NKAIN2: variants seen among roughly 807,000 people sequenced by gnomAD.
NKAIN2 encodes sodium/potassium transporting ATPase interacting 2.
Under a neutral mutation model 32.6 loss-of-function variants are expected in NKAIN2, and 14 were observed. The ratio of observed to expected loss-of-function variants is 0.43; its 90% CI spans 0.28 to 0.67. The LOEUF is 0.67. NKAIN2 is among the 30% of genes least tolerant of loss of function. The pLI is 0.17. For synonymous variants in NKAIN2, 80 were observed against 87.2 expected, an observed-to-expected ratio of 0.92 and a Z score of 0.46; for missense variants, 198 against 258.3, an observed-to-expected ratio of 0.77 and a Z score of 1.60.
At chr6:124,184,396 G>A (rs899343292) in intron 1 of NKAIN2, among the ~76,000 whole-genome samples, 2 of 151,992 alleles carry the variant, frequency 1.3e-5, no homozygotes. Context: ...CCCTCCTTAT[G>A]TTTTAGCCTG....
At chr6:124,726,300 A>G (rs1489908345) in intron 4 of NKAIN2, among the ~76,000 whole-genome samples, 3 of 152,168 alleles carry the variant, frequency 2.0e-5, no homozygotes, top group Admixed American at 6.5e-5. Flanking sequence ...GCAGACTTAA[A>G]TGTCCCTGTC....
At chr6:123,887,330 G>T (rs184066632) in intron 1 of NKAIN2, among the ~76,000 whole-genome samples, 1 of 152,024 alleles carries the variant, frequency 6.6e-6, no homozygotes, top group African/African-American at 2.4e-5. Flanking sequence ...ATGGTTAAGA[G>T]GCATACTTTT....
At chr6:124,222,628 T>A (rs1011553114) in intron 1 of NKAIN2, among the ~76,000 whole-genome samples, 1 of 151,984 alleles carries the variant, frequency 6.6e-6, no homozygotes, top group African/African-American at 2.4e-5. Flanking sequence ...TCAGGTGATA[T>A]CACCCAGAAC....
intron 2 of NKAIN2, among the ~76,000 whole-genome samples, chr6:124,293,375 T>C (rs1292140102): frequency 6.6e-6 from 1 of 152,058 alleles, no homozygotes; most frequent in Non-Finnish European, 1.5e-5. Flanking sequence ...TTTGCATCCT[T>C]ATTAAAAATG....
At chr6:124,606,259 G>T (rs1440192530) in intron 3 of NKAIN2, among the ~76,000 whole-genome samples, 1 of 151,806 alleles carries the variant, frequency 6.6e-6, no homozygotes, top group Non-Finnish European at 1.5e-5. Flanking sequence ...TCCCAGGGCT[G>T]ACTTTTCTCA....
Position 124,774,921 on chromosome 6 carries a change from T to C in NKAIN2, c.475-16418T>C, listed in dbSNP as rs535429267. ...ATCTTTGACAGTATCTTTGGACAGT[T>C]GTTGTCCAAAGATACAAGCACCAAG... On this transcript the variant is annotated intron_variant, in intron 4 of 6. Coordinates refer to ENST00000368417, the MANE Select transcript of NKAIN2 (RefSeq NM_001040214.3). 1.8e-4 allele frequency among the ~76,000 whole-genome samples: 28 copies of C among 151,880 alleles called. No homozygotes were observed. In the East Asian group the frequency reaches 5.4e-3, roughly 29 times the overall value.
chr6:124,170,442 A>T (rs1056896910), intron 1 of NKAIN2, among the ~76,000 whole-genome samples: 1 of 152,222 alleles, frequency 6.6e-6, no homozygotes, highest in Non-Finnish European at 1.5e-5. Context: ...CTAAATAGAA[A>T]GTATGCAGGG....
intron 1 of NKAIN2, among the ~76,000 whole-genome samples, chr6:124,067,453 G>A (rs993127081): frequency 6.6e-6 from 1 of 151,996 alleles, no homozygotes; most frequent in African/African-American, 2.4e-5. Context: ...CACCTCACTT[G>A]GACGGACTCA....
intron 1 of NKAIN2, among the ~76,000 whole-genome samples, chr6:124,020,109 G>A (rs988004607): frequency 6.6e-6 from 1 of 152,108 alleles, no homozygotes; most frequent in Non-Finnish European, 1.5e-5. Flanking sequence ...TTTGAACAGA[G>A]AAGGCAGCTG....
intron 2 of NKAIN2, among the ~76,000 whole-genome samples, chr6:124,317,516 C>T (rs1797010217): frequency 6.6e-6 from 1 of 152,020 alleles, no homozygotes; most frequent in Non-Finnish European, 1.5e-5. Context: ...AAGCAGGGTG[C>T]TCTCATTGTT....
At chr6:123,997,928 ATG>A (rs2114704800) in intron 1 of NKAIN2, among the ~76,000 whole-genome samples, 1 of 152,170 alleles carries the variant, frequency 6.6e-6, no homozygotes, top group African/African-American at 2.4e-5. Context: ...TGTTAAAAGA[ATG>A]TTTGCTTTTT....
intron 1 of NKAIN2, among the ~76,000 whole-genome samples, chr6:123,950,026 T>A (rs1246780993): frequency 6.6e-6 from 1 of 151,896 alleles, no homozygotes; most frequent in Non-Finnish European, 1.5e-5. Context: ...TTTTATCAAA[T>A]TTTTTTGCAT....
intron 3 of NKAIN2, among the ~76,000 whole-genome samples, chr6:124,574,874 T>C (rs1781269445): frequency 6.6e-6 from 1 of 152,214 alleles, no homozygotes; most frequent in Admixed American, 6.5e-5. Flanking sequence ...ACTCCTCAAC[T>C]GTTACCATCG....
chr6:124,179,274 T>C (rs1417000999), intron 1 of NKAIN2, among the ~76,000 whole-genome samples: 2 of 152,202 alleles, frequency 1.3e-5, no homozygotes, highest in Non-Finnish European at 2.9e-5. Flanking sequence ...GAAGAGTTTG[T>C]CAATACAGGC....
At chr6:124,700,871 G>GACACACACACACAC (rs143125409) in intron 4 of NKAIN2, among the ~76,000 whole-genome samples, 16 of 145,474 alleles carry the variant, frequency 1.1e-4, no homozygotes, top group South Asian at 2.2e-4. Context: ...TCTCTTTCCT[G>GACACACACACACAC]ACACACACAC....
chr6:124,187,009 T>C (rs1274546392), intron 1 of NKAIN2, among the ~76,000 whole-genome samples: 1 of 152,300 alleles, frequency 6.6e-6, no homozygotes, highest in East Asian at 1.9e-4. Flanking sequence ...CTATATTTGC[T>C]GGTGGCATGA....
At chr6:124,533,544 TA>T (rs2114826914) in intron 3 of NKAIN2, among the ~76,000 whole-genome samples, 1 of 150,270 alleles carries the variant, frequency 6.7e-6, no homozygotes, top group Non-Finnish European at 1.5e-5. Flanking sequence ...GGGCAGGATT[TA>T]TGTCCTCTTC....
At chr6:123,943,631 A>C (rs1183495682) in intron 1 of NKAIN2, among the ~76,000 whole-genome samples, 1 of 152,082 alleles carries the variant, frequency 6.6e-6, no homozygotes, top group Non-Finnish European at 1.5e-5. Context: ...TAACATATGA[A>C]GTATCTGACT....
intron 3 of NKAIN2, among the ~76,000 whole-genome samples, chr6:124,389,196 T>C (rs2114406672): frequency 6.6e-6 from 1 of 152,196 alleles, no homozygotes; most frequent in Admixed American, 6.6e-5. Context: ...TTGCTGTGAC[T>C]TTATACACAA....
Sources: gnomAD v4.1 joint callset for allele counts (sites outside exome capture counted in the v4.1 genomes callset) on GRCh38, gnomAD v4.1.1 for gene constraint, MANE v1.5 for transcripts, NCBI Gene and HGNC (gene_info 2026-07-23, HGNC 2026-07-21) for gene names.